Variants in MTA2 observed in about 807,000 individuals in gnomAD.
The protein encoded by MTA2 is metastasis associated 1 family member 2.
Under a neutral mutation model 87.1 loss-of-function variants are expected in MTA2, and 22 were observed. That is an observed-to-expected ratio of 0.25 (90% confidence interval 0.18 to 0.36). MTA2 has a LOEUF of 0.36. Ranked by LOEUF, MTA2 falls within the 10% of genes least tolerant of loss-of-function variation. The pLI, the probability that MTA2 is intolerant of heterozygous loss-of-function variation, is 1.00. For missense variants in MTA2, 542 were observed against 853.2 expected (o/e 0.64, Z 4.54); for synonymous variants, 314 against 310.1 (o/e 1.01, Z -0.13).
At position 62,595,602 on chromosome 11, in the gene MTA2, C is replaced by G. The variant is rs544229797; in HGVS notation, c.1255-110G>C. On this transcript the variant is annotated intron_variant, in intron 13 of 17. Transcript: ENST00000278823. This position sits in a 1 kb window ranked among gnomAD's most constrained non-coding sequence, Gnocchi z 4.9. ...TATTCCTGTCTAATCTCTTTACTGA[C>G]CTCTTGGCCTATGTGTCTCCCCAAC... 1 of 1,507,534 alleles carries G rather than the reference C, an allele frequency of 6.6e-7. No individual in the cohort carries two copies. Among genetic ancestry groups the G allele is most frequent in the East Asian group, 2.3e-5 (1 of 44,232 alleles). 93.4% of individuals were successfully genotyped at this position (1,507,534 alleles called of 1,614,324 possible). A position where few individuals can be genotyped will look rare whatever the true frequency, so the allele number is the denominator to read the frequency against.
Position 62,598,558 on chromosome 11 carries a change from G to GA in MTA2, c.271dup (p.Ser91PhefsTer5). 1 of 1,614,126 alleles carries GA rather than the reference G, an allele frequency of 6.2e-7. No homozygotes were observed. Among genetic ancestry groups the GA allele is most frequent in the Non-Finnish European group, 8.5e-7 (1 of 1,180,026 alleles). On this transcript the variant is annotated frameshift_variant, in exon 4 of 18. Transcript: ENST00000278823. ...GGCTGGTAATGATTCAAATTGCCGA[G>GA]AAAGAAAAAGTTCCCGGTGCTTCAG...
Position 62,600,272 on chromosome 11 carries a change from A to AAAAAAC in MTA2, c.97-19_97-14dup. 1 of 1,611,410 alleles carries AAAAAAC rather than the reference A, an allele frequency of 6.2e-7. No individual in the cohort carries two copies. Among genetic ancestry groups the AAAAAAC allele is most frequent in the Non-Finnish European group, 8.5e-7 (1 of 1,177,776 alleles). ...TTCCATTTGCAGTCTAAGGGGAGGA[A>AAAAAAC]AAAAACAAAAACAAAACAACGTAGC... On this transcript the variant is annotated splice_polypyrimidine_tract_variant and intron_variant, in intron 2 of 17. Coordinates refer to ENST00000278823, the MANE Select transcript of MTA2 (RefSeq NM_004739.4).
At chr11:62,594,840 A>C (rs1000199823) in intron 15 of MTA2, 141 bp downstream of exon 15, 1 of 927,732 alleles carries the variant, frequency 1.1e-6, no homozygotes, top group Non-Finnish European at 1.7e-6. Context: ...TTTACAAAAA[A>C]AATTATTAAA....
chr11:62,597,435 G>A lies in MTA2; in HGVS notation c.594-20C>T. ...ACAGCTCTAAGGGAGAAATTGAGAA[G>A]TCAAAAGCGAAAGAAAAGTCAAAAG... On this transcript the variant is annotated intron_variant, in intron 7 of 17. Coordinates refer to ENST00000278823, the MANE Select transcript of MTA2 (RefSeq NM_004739.4). The A allele has an allele frequency of 1.2e-6, 2 of 1,600,072 alleles. No homozygotes were observed. Among genetic ancestry groups the A allele is most frequent in the Middle Eastern group, 1.7e-4 (1 of 6,034 alleles).
At chr11:62,598,770 CT>C (rs1431374235) in intron 3 of MTA2, 131 bp from the exon 4 acceptor site, 6 of 754,246 alleles carry the variant, frequency 8.0e-6, no homozygotes, top group Non-Finnish European at 1.3e-5. Flanking sequence ...CGTCTGCCTT[CT>C]ATACCCTTAT....
rs1266885099 is a variant in MTA2 at position 62,597,879 on chromosome 11, C to T, written c.490+145G>A. On this transcript the variant is annotated intron_variant, in intron 6 of 17. Coordinates refer to ENST00000278823, the MANE Select transcript of MTA2 (RefSeq NM_004739.4). ...TTTTCCCTTTTCAGGTTCCTACAGG[C>T]CCATTCTGTCAGGGTCATGGCAGAG... 6 of 988,296 alleles carry T rather than the reference C, an allele frequency of 6.1e-6. No individual in the cohort carries two copies. In the East Asian group the frequency reaches 9.5e-5, roughly 16 times the overall value. The allele number at this position is 988,296 out of a possible 1,614,324, so 61.2% of individuals were successfully genotyped here.
chr11:62,595,756 G>T lies in MTA2; in HGVS notation c.1250C>A (p.Thr417Asn), dbSNP rs1565043898. 2.5e-6 allele frequency: 4 copies of T among 1,613,998 alleles called. No homozygotes were observed. Among genetic ancestry groups the T allele is most frequent in the Non-Finnish European group, 3.4e-6 (4 of 1,179,996 alleles). Reference sequence around the variant, plus strand: ...TTTCTTCCCACTGATCCTTACCGTGGTGCCCCGAGTGGCCCCCTCAAGCTG... The same window carrying T: ...TTTCTTCCCACTGATCCTTACCGTGTTGCCCCGAGTGGCCCCCTCAAGCTG... ...PTQLEGATRG[T>N]TEPHSRGHLS... The change falls in exon 13 of 18, where the codon ACC becomes AAC. Residue 417 changes from threonine to asparagine, a missense_variant. Around this residue, in one of 6 missense-constraint regions of MTA2, gnomAD observed 269 missense variants for 346.4 expected, o/e 0.78. Coordinates refer to ENST00000278823, the MANE Select transcript of MTA2 (RefSeq NM_004739.4). The surrounding 1 kb of genome is among the most constrained non-coding windows in gnomAD (Gnocchi z 4.9).
intron 5 of MTA2, 64 bp from the exon 6 acceptor site, chr11:62,598,205 G>A (rs1179068170): frequency 7.7e-6 from 12 of 1,567,462 alleles, no homozygotes; most frequent in Non-Finnish European, 1.1e-5. Context: ...GGAGGGAGGT[G>A]TATCTGAGTT....
intron 1 of MTA2, chr11:62,601,060 G>C: frequency 2.0e-6 from 1 of 503,716 alleles, no homozygotes; most frequent in South Asian, 2.6e-5. Context: ...CCTGGGAAGA[G>C]GAAACCTCCG....
At chr11:62,600,907 G>A in intron 1 of MTA2, 1 of 552,980 alleles carries the variant, frequency 1.8e-6, no homozygotes, top group Non-Finnish European at 3.2e-6. Context: ...TTACTCAAAA[G>A]AGAGCCTTAA....
At chr11:62,597,796 T>G in intron 6 of MTA2, 84 bp from the exon 7 acceptor site, 1 of 1,123,560 alleles carries the variant, frequency 8.9e-7, no homozygotes, top group South Asian at 1.4e-5. Context: ...CACCTCCTCC[T>G]TCTCTTCTTC....
Position 62,596,268 on chromosome 11 carries a change from A to G in MTA2, c.1016+11T>C, listed in dbSNP as rs1565044170. ...GAAAACACTCTGGTCTCCCCTACCC[A>G]CCACACTTACTAGGTGGGAATGTAG... On this transcript the variant is annotated intron_variant, in intron 11 of 17. Coordinates refer to ENST00000278823, the MANE Select transcript of MTA2 (RefSeq NM_004739.4). The G allele has an allele frequency of 1.2e-6, 2 of 1,613,808 alleles. No homozygotes were observed. Among genetic ancestry groups the G allele is most frequent in the East Asian group, 2.2e-5 (1 of 44,890 alleles).
Position 62,597,664 on chromosome 11 carries a change from T to A in MTA2, c.539A>T (p.Asp180Val). Residue 180 changes from aspartate (D) to valine (V), a missense_variant, in exon 7 of 18, where the codon GAC (aspartate) becomes GTC (valine). By Grantham distance (152) the Asp-to-Val change is radical. Around this residue, in one of 6 missense-constraint regions of MTA2, gnomAD observed 150 missense variants for 243.9 expected, o/e 0.62. Coordinates refer to ENST00000278823, the MANE Select transcript of MTA2 (RefSeq NM_004739.4). The stretch of plus-strand genomic sequence containing the variant: ...CCGGTCTGTGAGAGGGTTGTCTGGG[T>A]CCCAGACCTTCATCTCCATCTTCTG... ...NQQKMEMKVW[D>V]PDNPLTDRQI... 1 of 1,614,150 alleles carries A rather than the reference T, an allele frequency of 6.2e-7. No homozygotes were observed. Among genetic ancestry groups the A allele is most frequent in the South Asian group, 1.1e-5 (1 of 91,080 alleles).
chr11:62,599,764 TTG>T lies in MTA2; in HGVS notation c.190+400_190+401del, dbSNP rs754361301. On this transcript the variant is annotated intron_variant, in intron 3 of 17. Coordinates refer to ENST00000278823, the MANE Select transcript of MTA2 (RefSeq NM_004739.4). ...CTAACTTCCAGGTACTCTCATCACC[TTG>T]TGATTACAAAATAAGCCTGCTTCTC... Among the ~76,000 whole-genome samples, 176 of 152,292 alleles carry T rather than the reference TTG, an allele frequency of 1.2e-3. 1 individual carries two copies. The highest frequency in any genetic ancestry group is 7.4e-4 in the Non-Finnish European group (50 of 68,010).
Position 62,600,184 on chromosome 11 carries a change from G to A in MTA2, c.172C>T (p.Leu58=). ...RRDISSSLNS[L]ADSNAREFEE... is the part of the protein sequence containing the mutation. ...TACTCACTGGCATTACTATCAGCCA[G>A]GCTGTTGAGGCTACTAGAAATGTCC... The change falls in exon 3 of 18, where the codon CTG becomes TTG. Residue 58 remains leucine (L), a synonymous_variant. Coordinates refer to ENST00000278823, the MANE Select transcript of MTA2 (RefSeq NM_004739.4). 1 of 1,614,104 alleles carries A rather than the reference G, an allele frequency of 6.2e-7. No homozygotes were observed. Among genetic ancestry groups the A allele is most frequent in the Non-Finnish European group, 8.5e-7 (1 of 1,179,970 alleles).
Position 62,597,527 on chromosome 11 carries a change from A to G in MTA2, c.593+83T>C, listed in dbSNP as rs1590731172. The G allele has an allele frequency of 1.4e-5, 21 of 1,501,948 alleles. 1 individual carries two copies. In the East Asian group the frequency reaches 4.7e-4, roughly 34 times the overall value. The allele number at this position is 1,501,948 out of a possible 1,614,324, so 93.0% of individuals were successfully genotyped here. On this transcript the variant is annotated intron_variant, in intron 7 of 17. Coordinates refer to ENST00000278823, the MANE Select transcript of MTA2 (RefSeq NM_004739.4). ...AAACATCCATGGCAATGAAAGAAAT[A>G]AAGTCCATCTCTAAGAACCATGGGA...
chr11:62,594,497 C>T lies in MTA2; in HGVS notation c.1692+19G>A. The T allele has an allele frequency of 6.2e-7, 1 of 1,613,546 alleles. No homozygotes were observed. Among genetic ancestry groups the T allele is most frequent in the African/African-American group, 1.3e-5 (1 of 74,994 alleles). ...AGCCCACCCAACTCAATCTGGCCCACCCCTTTCTGTCAACTCACAGTCTCA... is the reference window on the plus strand; with the variant it reads ...AGCCCACCCAACTCAATCTGGCCCATCCCTTTCTGTCAACTCACAGTCTCA... On this transcript the variant is annotated intron_variant, in intron 16 of 17. Transcript: ENST00000278823.
intron 7 of MTA2, 46 bp from the exon 8 acceptor site, chr11:62,597,461 C>A: frequency 6.4e-7 from 1 of 1,572,622 alleles, no homozygotes; most frequent in South Asian, 1.1e-5. Context: ...AAGTCAAAAG[C>A]CCAAGTGGGC....
At chr11:62,599,909 T>C (rs1322958844) in intron 3 of MTA2, among the ~76,000 whole-genome samples, 1 of 152,232 alleles carries the variant, frequency 6.6e-6, no homozygotes, top group Non-Finnish European at 1.5e-5. Flanking sequence ...TCTCTAAAGC[T>C]CGTCCTCATA....
Sources: allele counts gnomAD v4.1 joint callset (sites outside exome capture counted in the v4.1 genomes callset), GRCh38; gene constraint gnomAD v4.1.1; regional missense constraint gnomAD v4.1.1; non-coding constraint Gnocchi (gnomAD v3.1); transcripts MANE v1.5; gene names NCBI Gene and HGNC (gene_info 2026-07-23, HGNC 2026-07-21).